Variants in P2RY14 observed in about 807,000 individuals in gnomAD.
P2RY14 encodes purinergic receptor P2Y14.
In P2RY14, 2 loss-of-function variants were observed where a neutral mutation model predicts 0.9. The observed-to-expected ratio is 2.16, with a 90% CI of 0.88 to 6.79. P2RY14 has a LOEUF of 6.79. Ranked by LOEUF, P2RY14 falls within the 30% of genes most tolerant of loss-of-function variation. The probability of loss-of-function intolerance (pLI) is 0.05; values close to 1 mark genes in which losing one functional copy is unlikely to be tolerated. For synonymous variants in P2RY14, 158 were observed against 147.2 expected, an observed-to-expected ratio of 1.07 and a Z score of -0.53; for missense variants, 378 against 400.1, an observed-to-expected ratio of 0.94 and a Z score of 0.47.
intron 1 of P2RY14, among the ~76,000 whole-genome samples, chr3:151,269,158 T>G (rs1162391346): frequency 3.3e-5 from 5 of 152,076 alleles, no homozygotes; most frequent in Non-Finnish European, 7.4e-5. Context: ...GCCTATACTC[T>G]GGGAGGCCAA....
intron 1 of P2RY14, among the ~76,000 whole-genome samples, chr3:151,247,871 C>T (rs1436020403): frequency 6.6e-6 from 1 of 151,552 alleles, no homozygotes; most frequent in South Asian, 2.1e-4. Flanking sequence ...GCTCTGCCTT[C>T]CCTTAGTTGC....
intron 1 of P2RY14, among the ~76,000 whole-genome samples, chr3:151,240,049 T>TG (rs985588008): frequency 7.3e-5 from 11 of 151,518 alleles, no homozygotes; most frequent in South Asian, 2.1e-4. Flanking sequence ...TTTTTTTTTT[T>TG]TGTGTGTGTG....
intron 1 of P2RY14, among the ~76,000 whole-genome samples, chr3:151,238,437 G>A (rs1378454372): frequency 6.6e-6 from 1 of 152,212 alleles, no homozygotes; most frequent in Non-Finnish European, 1.5e-5. Context: ...GTGAGCCACC[G>A]CGCCCAGCCT....
rs185093304 is a variant in P2RY14 at position 151,262,159 on chromosome 3, C to T, written c.-133+16128G>A. Among the ~76,000 whole-genome samples the T allele has an allele frequency of 6.6e-5, 10 of 152,292 alleles. No individual in the cohort carries two copies. The East Asian group carries it at 1.9e-3, about 29-fold the overall frequency. The stretch of plus-strand genomic sequence containing the variant: ...TTAGATAGCTAGAAAAATGTACAGA[C>T]ACATTTTATACACTAGCAGGGAATT... On this transcript the variant is annotated intron_variant, in intron 1 of 2. Coordinates refer to ENST00000309170, the MANE Select transcript of P2RY14 (RefSeq NM_014879.4).
intron 1 of P2RY14, among the ~76,000 whole-genome samples, chr3:151,258,851 CAAAAA>C (rs63714361): frequency 1.1e-5 from 1 of 89,928 alleles, no homozygotes. Flanking sequence ...GATTCTGTCT[CAAAAA>C]AAAAAAAAAA....
intron 1 of P2RY14, among the ~76,000 whole-genome samples, chr3:151,251,554 G>T (rs1736862312): frequency 1.3e-5 from 2 of 152,090 alleles, no homozygotes; most frequent in Non-Finnish European, 2.9e-5. Flanking sequence ...CCTTTTGTGG[G>T]TCTCTAATAC....
At chr3:151,271,404 G>A (rs912259579) in intron 1 of P2RY14, among the ~76,000 whole-genome samples, 1 of 152,156 alleles carries the variant, frequency 6.6e-6, no homozygotes, top group Non-Finnish European at 1.5e-5. Context: ...TATATTTTTG[G>A]TTATAGTGTA....
intron 1 of P2RY14, among the ~76,000 whole-genome samples, chr3:151,243,766 A>G (rs1250590599): frequency 6.6e-6 from 1 of 151,880 alleles, no homozygotes; most frequent in Non-Finnish European, 1.5e-5. Flanking sequence ...ACACATAACA[A>G]TATTAACTTT....
At chr3:151,268,983 T>G (rs59501054) in intron 1 of P2RY14, among the ~76,000 whole-genome samples, 7 of 152,150 alleles carry the variant, frequency 4.6e-5, no homozygotes, top group Non-Finnish European at 8.8e-5. Flanking sequence ...TCTTGAACTT[T>G]CCTAGCGGTG....
chr3:151,232,987 A>G (rs536271914), intron 1 of P2RY14, among the ~76,000 whole-genome samples: 2 of 152,280 alleles, frequency 1.3e-5, no homozygotes, highest in African/African-American at 4.8e-5. Flanking sequence ...CCTTTCAAAT[A>G]TTCTTCTAAC....
intron 1 of P2RY14, among the ~76,000 whole-genome samples, chr3:151,230,813 C>CT (rs1731519561): frequency 6.6e-6 from 1 of 152,172 alleles, no homozygotes; most frequent in South Asian, 2.1e-4. Flanking sequence ...TGAAACCCCC[C>CT]TGCCAATGCA....
At chr3:151,231,502 A>G (rs1731663366) in intron 1 of P2RY14, among the ~76,000 whole-genome samples, 1 of 152,248 alleles carries the variant, frequency 6.6e-6, no homozygotes, top group Admixed American at 6.5e-5. Context: ...TACTTTTGTA[A>G]TAAACTGTAT....
At chr3:151,254,892 CTG>C (rs1369819478) in intron 1 of P2RY14, among the ~76,000 whole-genome samples, 8 of 152,188 alleles carry the variant, frequency 5.3e-5, no homozygotes, top group African/African-American at 1.9e-4. Context: ...ACTTCCAAAA[CTG>C]TGTTTTTCAT....
intron 1 of P2RY14, chr3:151,269,785 G>T: frequency 2.4e-6 from 1 of 420,026 alleles, no homozygotes; most frequent in South Asian, 1.8e-5. Flanking sequence ...AGAGTCCACT[G>T]AAGTCAAATG....
chr3:151,249,254 C>G (rs1736379968), intron 1 of P2RY14: 1 of 152,114 alleles, frequency 6.6e-6, no homozygotes, highest in African/African-American at 2.4e-5. Flanking sequence ...TAGATCTTTC[C>G]CATGCTTGTT....
At chr3:151,264,545 G>A (rs186063070) in intron 1 of P2RY14, among the ~76,000 whole-genome samples, 1 of 152,306 alleles carries the variant, frequency 6.6e-6, no homozygotes, top group East Asian at 1.9e-4. Context: ...AGTATGGAGA[G>A]TTTTCTCATT....
At chr3:151,258,511 CA>C in intron 1 of P2RY14, among the ~76,000 whole-genome samples, 1 of 152,256 alleles carries the variant, frequency 6.6e-6, no homozygotes, top group Non-Finnish European at 1.5e-5. Flanking sequence ...AGAATTTTCA[CA>C]TTCTTAGCTG....
At chr3:151,216,776 A>G (rs1263468263) in intron 2 of P2RY14, among the ~76,000 whole-genome samples, 3 of 152,110 alleles carry the variant, frequency 2.0e-5, no homozygotes, top group Non-Finnish European at 4.4e-5. Context: ...TTCATATTTT[A>G]AAAGATAAGG....
chr3:151,252,772 C>T (rs916355556), intron 1 of P2RY14, among the ~76,000 whole-genome samples: 3 of 152,064 alleles, frequency 2.0e-5, no homozygotes, highest in Non-Finnish European at 4.4e-5. Flanking sequence ...AATCTACTAA[C>T]TTATCTACTA....
Sources: gnomAD v4.1 joint callset for allele counts (sites outside exome capture counted in the v4.1 genomes callset) on GRCh38, gnomAD v4.1.1 for gene constraint, MANE v1.5 for transcripts, NCBI Gene and HGNC (gene_info 2026-07-23, HGNC 2026-07-21) for gene names.